The following GALNT18 variants were observed in gnomAD, a reference collection of about 807,000 sequenced individuals.
GALNT18 encodes the protein polypeptide N-acetylgalactosaminyltransferase 18, also known as GalNAc-transferase 18.
Under a neutral mutation model 69.5 loss-of-function variants are expected in GALNT18, and 44 were observed. The ratio of observed to expected loss-of-function variants is 0.63; its 90% CI spans 0.50 to 0.81. The LOEUF (loss-of-function observed/expected upper bound fraction) is 0.81, where lower values mean the gene tolerates loss of function less well. GALNT18 is among the 40% of genes least tolerant of loss of function. GALNT18 has a pLI of 0.00. For missense variants in GALNT18, 715 were observed against 810.0 expected, an observed-to-expected ratio of 0.88 and a Z score of 1.42; for synonymous variants, 364 against 318.2, an observed-to-expected ratio of 1.14 and a Z score of -1.53.
intron 6 of GALNT18, among the ~76,000 whole-genome samples, chr11:11,348,205 C>A (rs541498368): frequency 6.7e-6 from 1 of 148,588 alleles, no homozygotes; most frequent in South Asian, 2.1e-4. Context: ...TGGTGAAACC[C>A]CATCTCTGCT....
chr11:11,361,386 T>C (rs1232300745), intron 6 of GALNT18, among the ~76,000 whole-genome samples: 1 of 152,186 alleles, frequency 6.6e-6, no homozygotes, highest in Non-Finnish European at 1.5e-5. Flanking sequence ...GTGGAGATAG[T>C]AGTAGTACCT....
intron 9 of GALNT18, among the ~76,000 whole-genome samples, chr11:11,297,225 CTGT>C (rs1849417455): frequency 6.6e-6 from 1 of 152,152 alleles, no homozygotes; most frequent in Admixed American, 6.6e-5. Flanking sequence ...AGTAGTGCCG[CTGT>C]TGAGATACCC....
intron 1 of GALNT18, among the ~76,000 whole-genome samples, chr11:11,560,882 A>G (rs1465557279): frequency 6.6e-6 from 1 of 152,212 alleles, no homozygotes. Context: ...GTTTGGCAGA[A>G]TTGCCACAAC....
At chr11:11,385,262 C>T (rs868178533) in intron 3 of GALNT18, among the ~76,000 whole-genome samples, 1 of 151,842 alleles carries the variant, frequency 6.6e-6, no homozygotes, top group Non-Finnish European at 1.5e-5. Context: ...ACTCAAACGC[C>T]TCCCATTAGG....
At chr11:11,287,485 A>G (rs1849215231) in intron 10 of GALNT18, among the ~76,000 whole-genome samples, 1 of 152,024 alleles carries the variant, frequency 6.6e-6, no homozygotes, top group Non-Finnish European at 1.5e-5. Context: ...CTCTGTAGTG[A>G]CCTGATATTT....
At chr11:11,351,706 G>C (rs1334110323) in intron 6 of GALNT18, among the ~76,000 whole-genome samples, 1 of 151,986 alleles carries the variant, frequency 6.6e-6, no homozygotes, top group Non-Finnish European at 1.5e-5. Flanking sequence ...TGTCACTGGT[G>C]CTGCCAGAGA....
rs1302512034 is a variant in GALNT18, at chr11:11,583,857, CT to C, written c.235+37501del. The stretch of plus-strand genomic sequence containing the variant: ...AGGAGGGAGAAATAAAGAAATAGCC[CT>C]GTCTGCAAGGAGCAGATGATCTCAA... On this transcript the variant is annotated intron_variant, in intron 1 of 10. Coordinates refer to ENST00000227756, the MANE Select transcript of GALNT18 (RefSeq NM_198516.3). The surrounding 1 kb of genome is among the most constrained non-coding windows in gnomAD (Gnocchi z 4.7). Among the ~76,000 whole-genome samples the C allele has an allele frequency of 6.6e-6, 1 of 152,060 alleles. No homozygotes were observed. The highest frequency in any genetic ancestry group is 1.5e-5 in the Non-Finnish European group (1 of 68,024).
intron 3 of GALNT18, among the ~76,000 whole-genome samples, chr11:11,424,016 T>C: frequency 6.6e-6 from 1 of 152,122 alleles, no homozygotes; most frequent in East Asian, 1.9e-4. Context: ...CCTGGAGAAG[T>C]GGGGGTCAAA....
chr11:11,322,028 T>G (rs2133039581), intron 9 of GALNT18, among the ~76,000 whole-genome samples: 1 of 152,310 alleles, frequency 6.6e-6, no homozygotes, highest in African/African-American at 2.4e-5. Flanking sequence ...GGAGTCAGGG[T>G]TAAAGTGGAG....
intron 1 of GALNT18, among the ~76,000 whole-genome samples, chr11:11,554,564 A>T (rs1246518817): frequency 2.0e-5 from 3 of 152,184 alleles, no homozygotes; most frequent in Non-Finnish European, 2.9e-5. Context: ...AGGCTTTCTT[A>T]CTATAAAGTG....
At chr11:11,566,147 C>T (rs1858645768) in intron 1 of GALNT18, among the ~76,000 whole-genome samples, 1 of 152,156 alleles carries the variant, frequency 6.6e-6, no homozygotes, top group Non-Finnish European at 1.5e-5. Context: ...TGATTAGATA[C>T]TGGATTACAC....
At chr11:11,481,690 G>C (rs1451389166) in intron 1 of GALNT18, among the ~76,000 whole-genome samples, 1 of 152,156 alleles carries the variant, frequency 6.6e-6, no homozygotes, top group Non-Finnish European at 1.5e-5. Flanking sequence ...CTCAGGTGCT[G>C]GTGGTTGGAA....
intron 10 of GALNT18, among the ~76,000 whole-genome samples, chr11:11,291,143 G>T (rs1036906345): frequency 6.6e-6 from 1 of 152,162 alleles, no homozygotes; most frequent in African/African-American, 2.4e-5. Flanking sequence ...GGAAAGTGAT[G>T]AAGGCTTCTG....
chr11:11,393,814 G>C (rs1461147053), intron 3 of GALNT18, among the ~76,000 whole-genome samples: 2 of 152,184 alleles, frequency 1.3e-5, no homozygotes, highest in African/African-American at 4.8e-5. Context: ...AACATACATC[G>C]TCATAGTCCT....
intron 9 of GALNT18, among the ~76,000 whole-genome samples, chr11:11,293,552 T>C (rs1031414946): frequency 4.3e-5 from 6 of 138,638 alleles, no homozygotes; most frequent in East Asian, 2.0e-4. Flanking sequence ...TTTTTTTTTT[T>C]TTTTTGGAGA....
In GALNT18 at chr11:11,432,861, C is replaced by CT. The variant is rs2133795184; in HGVS notation, c.429-75dup. 1 of 1,487,796 alleles carries CT rather than the reference C, an allele frequency of 6.7e-7. No homozygotes were observed. The highest frequency in any genetic ancestry group is 1.9e-5 in the Admixed American group (1 of 52,658). The allele number at this position is 1,487,796 out of a possible 1,614,324, so 92.2% of individuals were successfully genotyped here. A position where few individuals can be genotyped will look rare whatever the true frequency, so the allele number is the denominator to read the frequency against. On this transcript the variant is annotated intron_variant, in intron 2 of 10. Transcript: ENST00000227756. The surrounding 1 kb of genome is among the most constrained non-coding windows in gnomAD (Gnocchi z 5.8). Reference sequence around the variant, plus strand: ...CTCAGGAGCTGACCCAGCCCATGTCCTGGCTCCAGCTTTGCTGGAGGGCTC... The same window carrying CT: ...CTCAGGAGCTGACCCAGCCCATGTCCTTGGCTCCAGCTTTGCTGGAGGGCTC...
intron 1 of GALNT18, among the ~76,000 whole-genome samples, chr11:11,570,977 A>G (rs541424558): frequency 6.6e-6 from 1 of 152,324 alleles, no homozygotes; most frequent in East Asian, 1.9e-4. Context: ...AGTGTTTTTC[A>G]TGGGCCCCAA....
intron 10 of GALNT18, among the ~76,000 whole-genome samples, chr11:11,285,954 T>C (rs1488586791): frequency 3.9e-5 from 6 of 152,238 alleles, no homozygotes; most frequent in South Asian, 2.1e-4. Flanking sequence ...CAGTCTCTTC[T>C]GGGCAGTCTC....
In GALNT18 at chr11:11,279,812, G is replaced by A. The variant is rs533082548; in HGVS notation, c.1678-8522C>T. On this transcript the variant is annotated intron_variant, in intron 10 of 10. Coordinates refer to ENST00000227756, the MANE Select transcript of GALNT18 (RefSeq NM_198516.3). The stretch of plus-strand genomic sequence containing the variant: ...AGTCCTATTTCCTGAGCTGGGTGAT[G>A]GAAACCTAGGGATTTGCTTTGTTTT... 8.5e-4 allele frequency among the ~76,000 whole-genome samples: 129 copies of A among 152,290 alleles called. 1 individual carries two copies. The highest frequency in any genetic ancestry group is 3.1e-3 in the African/African-American group (128 of 41,554).
Sources: gnomAD v4.1 joint callset for allele counts (sites outside exome capture counted in the v4.1 genomes callset) on GRCh38, gnomAD v4.1.1 for gene constraint, Gnocchi (gnomAD v3.1) non-coding constraint, MANE v1.5 for transcripts, NCBI Gene and HGNC (gene_info 2026-07-23, HGNC 2026-07-21) for gene names.